PPARGC1A: variants seen among roughly 807,000 people sequenced by gnomAD.
PPARGC1A encodes the protein PPARG coactivator 1 alpha, also known as peroxisome proliferator-activated receptor gamma coactivator 1-alpha.
In PPARGC1A, 25 loss-of-function variants were observed where a neutral mutation model predicts 88.7. The observed-to-expected ratio is 0.28, with a 90% CI of 0.21 to 0.39. The LOEUF is 0.39. Among genes scored for constraint, PPARGC1A ranks in the 10% least tolerant of loss-of-function variants. PPARGC1A has a pLI of 1.00. For missense variants in PPARGC1A, 880 were observed against 968.7 expected, an observed-to-expected ratio of 0.91 and a Z score of 1.22; for synonymous variants, 363 against 355.6, an observed-to-expected ratio of 1.02 and a Z score of -0.24.
At chr4:23,980,790 T>C in the PPARGC1A span, among the ~76,000 whole-genome samples, 1 of 152,088 alleles carries the variant, frequency 6.6e-6, no homozygotes, top group South Asian at 2.1e-4. Flanking sequence ...GGAGCCTATA[T>C]TTTCAGGTAG....
At chr4:24,091,394 C>T in the PPARGC1A span, 1 of 943,950 alleles carries the variant, frequency 1.1e-6, no homozygotes, top group Non-Finnish European at 1.3e-6. Flanking sequence ...TTGATGTACG[C>T]ATATTACCTA....
chr4:23,872,171 C>T (rs1713516284), intron 2 of PPARGC1A, among the ~76,000 whole-genome samples: 1 of 152,112 alleles, frequency 6.6e-6, no homozygotes. Flanking sequence ...GAAAGGTCAA[C>T]AGACCTAAAA....
chr4:24,452,498 G>A, the PPARGC1A span, among the ~76,000 whole-genome samples: 1 of 152,138 alleles, frequency 6.6e-6, no homozygotes, highest in African/African-American at 2.4e-5. Flanking sequence ...AATAGGCAAA[G>A]GTTAGGATCC....
chr4:24,048,647 G>C, the PPARGC1A span, among the ~76,000 whole-genome samples: 1 of 152,108 alleles, frequency 6.6e-6, no homozygotes, highest in East Asian at 1.9e-4. Context: ...ATCCCAAATA[G>C]TTCCTGTGAG....
chr4:23,980,027 G>A, the PPARGC1A span, among the ~76,000 whole-genome samples: 2 of 151,858 alleles, frequency 1.3e-5, no homozygotes, highest in African/African-American at 2.4e-5. Flanking sequence ...ATTTCCTTCC[G>A]GTTGGCTCCT....
intron 8 of PPARGC1A, 104 bp from the exon 9 acceptor site, chr4:23,813,229 G>C: frequency 1.0e-6 from 1 of 956,956 alleles, no homozygotes; most frequent in South Asian, 1.5e-5. Flanking sequence ...ACAGAGACTG[G>C]CTTTTTCTTC....
chr4:24,468,008 A>G, the PPARGC1A span, among the ~76,000 whole-genome samples: 1 of 152,344 alleles, frequency 6.6e-6, no homozygotes, highest in East Asian at 1.9e-4. Context: ...GAGTAAAGTC[A>G]GATGTCTGGC....
chr4:24,389,667 A>C, the PPARGC1A span, among the ~76,000 whole-genome samples: 2 of 152,190 alleles, frequency 1.3e-5, no homozygotes, highest in African/African-American at 4.8e-5. Context: ...CTTTATGACT[A>C]TTAATAATGA....
chr4:24,286,141 A>G, the PPARGC1A span, among the ~76,000 whole-genome samples: 15 of 152,070 alleles, frequency 9.9e-5, no homozygotes, highest in African/African-American at 3.6e-4. Context: ...GAAAATACCC[A>G]CTACGAAAGA....
the PPARGC1A span, among the ~76,000 whole-genome samples, chr4:24,005,866 G>C: frequency 5.3e-5 from 8 of 152,048 alleles, no homozygotes; most frequent in African/African-American, 1.9e-4. Context: ...ATACAGGGTC[G>C]GGGGCTCAGA....
At chr4:24,295,324 T>A in the PPARGC1A span, among the ~76,000 whole-genome samples, 1 of 152,270 alleles carries the variant, frequency 6.6e-6, no homozygotes, top group East Asian at 1.9e-4. Context: ...TAGGAGTTGT[T>A]TTTCCTGCCA....
the PPARGC1A span, among the ~76,000 whole-genome samples, chr4:24,126,734 T>G: frequency 1.3e-5 from 2 of 152,162 alleles, no homozygotes; most frequent in African/African-American, 2.4e-5. Flanking sequence ...ATGTTAATTA[T>G]GAGTTCCCAA....
the PPARGC1A span, among the ~76,000 whole-genome samples, chr4:23,916,182 C>T: frequency 2.6e-5 from 4 of 152,174 alleles, no homozygotes; most frequent in Admixed American, 6.5e-5. Flanking sequence ...AGTAAAACAA[C>T]GTACTGGCAG....
chr4:24,103,136 C>T, the PPARGC1A span, among the ~76,000 whole-genome samples: 1 of 152,150 alleles, frequency 6.6e-6, no homozygotes, highest in Non-Finnish European at 1.5e-5. Context: ...CCATCATTCC[C>T]ATTTTGCAGA....
At chr4:24,167,660 G>A in the PPARGC1A span, among the ~76,000 whole-genome samples, 2 of 152,066 alleles carry the variant, frequency 1.3e-5, no homozygotes, top group Non-Finnish European at 2.9e-5. Flanking sequence ...ATCAACATCC[G>A]GGCAAAACCT....
At chr4:23,834,248 C>G (rs1231220316) in intron 2 of PPARGC1A, among the ~76,000 whole-genome samples, 1 of 152,026 alleles carries the variant, frequency 6.6e-6, no homozygotes, top group East Asian at 1.9e-4. Context: ...TGCAGTGAGT[C>G]AAGATCTTGC....
the PPARGC1A span, among the ~76,000 whole-genome samples, chr4:24,248,976 T>G: frequency 1.3e-5 from 2 of 152,174 alleles, no homozygotes; most frequent in Non-Finnish European, 2.9e-5. Flanking sequence ...GCCTAATTTA[T>G]CAAACGTTAT....
At chr4:24,330,307 G>T in the PPARGC1A span, among the ~76,000 whole-genome samples, 1 of 152,250 alleles carries the variant, frequency 6.6e-6, no homozygotes, top group South Asian at 2.1e-4. Flanking sequence ...TGGTCACTCT[G>T]GGGGAAGACT....
the PPARGC1A span, among the ~76,000 whole-genome samples, chr4:24,188,126 C>T: frequency 1.3e-5 from 2 of 152,058 alleles, no homozygotes; most frequent in Non-Finnish European, 2.9e-5. Context: ...AATATAATTC[C>T]AAAGTCATTA....
Sources: allele counts gnomAD v4.1 joint callset (sites outside exome capture counted in the v4.1 genomes callset), GRCh38; gene constraint gnomAD v4.1.1; transcripts MANE v1.5; gene names NCBI Gene and HGNC (gene_info 2026-07-23, HGNC 2026-07-21).